DYNC1I2: variants seen among roughly 807,000 people sequenced by gnomAD.
The protein encoded by DYNC1I2 is dynein cytoplasmic 1 intermediate chain 2.
DYNC1I2 carries 53 observed loss-of-function variants against 88.6 expected under a neutral mutation model. The observed-to-expected ratio is 0.60, with a 90% CI of 0.48 to 0.75. The LOEUF is 0.75. Among genes scored for constraint, DYNC1I2 ranks in the 30% least tolerant of loss-of-function variants. DYNC1I2 has a pLI of 0.00. For missense variants in DYNC1I2, 458 were observed against 766.6 expected (o/e 0.60, Z 4.75); for synonymous variants, 198 against 254.6 (o/e 0.78, Z 2.12).
rs558271066 is a variant in DYNC1I2 at position 171,717,939 on chromosome 2, C to T, written c.511+2496C>T. ...ATGCCTATTATATCTATAGTTATAT[C>T]CAGTTTAAGTGAAGACTTTCTTTTT... On this transcript the variant is annotated intron_variant, in intron 7 of 17. Transcript: ENST00000397119. Among the ~76,000 whole-genome samples, 4 of 151,610 alleles carry T rather than the reference C, an allele frequency of 2.6e-5. No individual in the cohort carries two copies. The East Asian group carries it at 7.7e-4, about 29-fold the overall frequency.
Position 171,726,924 on chromosome 2 carries a change from G to A in DYNC1I2, c.996+8G>A. The A allele has an allele frequency of 1.2e-6, 2 of 1,600,196 alleles. No individual in the cohort carries two copies. Among genetic ancestry groups the A allele is most frequent in the Non-Finnish European group, 1.7e-6 (2 of 1,174,102 alleles). On this transcript the variant is annotated splice_region_variant and intron_variant, in intron 11 of 17. Coordinates refer to ENST00000397119, the MANE Select transcript of DYNC1I2 (RefSeq NM_001378.3). Reference sequence around the variant, plus strand: ...TATGTGTTTCACTGCCAGGTATGGTGGTCTTTTAACAGTCTTCGCCTCAAG... The same window carrying A: ...TATGTGTTTCACTGCCAGGTATGGTAGTCTTTTAACAGTCTTCGCCTCAAG...
intron 6 of DYNC1I2, 46 bp downstream of exon 6, chr2:171,712,872 T>C: frequency 6.6e-7 from 1 of 1,515,500 alleles, no homozygotes. Flanking sequence ...ATGAATTTGA[T>C]TCTTTGTGAA....
At chr2:171,724,292 C>G (rs956601139) in intron 7 of DYNC1I2, among the ~76,000 whole-genome samples, 1 of 152,162 alleles carries the variant, frequency 6.6e-6, no homozygotes, top group Non-Finnish European at 1.5e-5. Context: ...CTCTCTAAAC[C>G]TAACAGTATG....
intron 3 of DYNC1I2, among the ~76,000 whole-genome samples, chr2:171,696,973 C>CTA (rs1022318209): frequency 6.6e-5 from 10 of 151,766 alleles, no homozygotes; most frequent in African/African-American, 2.2e-4. Flanking sequence ...CATTGCATTG[C>CTA]TATATGTTTT....
At chr2:171,688,783 T>A (rs1685166318) in intron 1 of DYNC1I2, 1 of 152,230 alleles carries the variant, frequency 6.6e-6, no homozygotes, top group South Asian at 2.1e-4. Context: ...TTGACTGACT[T>A]ACCTTTGTTC....
intron 5 of DYNC1I2, among the ~76,000 whole-genome samples, chr2:171,711,942 A>G (rs563670749): frequency 1.3e-5 from 2 of 152,330 alleles, no homozygotes; most frequent in South Asian, 4.1e-4. Context: ...TTGCTAACCT[A>G]TATAAATGCC....
chr2:171,731,571 A>G (rs1358127669), intron 15 of DYNC1I2, among the ~76,000 whole-genome samples: 1 of 152,194 alleles, frequency 6.6e-6, no homozygotes, highest in Non-Finnish European at 1.5e-5. Context: ...TGGGTAACAC[A>G]AGGAGACCCC....
chr2:171,688,044 C>T (rs1685097033), intron 1 of DYNC1I2: 3 of 152,430 alleles, frequency 2.0e-5, no homozygotes, highest in East Asian at 1.9e-4. Context: ...GAGTCCACTC[C>T]TTTCCCTTCT....
At chr2:171,715,566 A>C (rs1687431839) in intron 7 of DYNC1I2, 123 bp downstream of exon 7, 2 of 633,110 alleles carry the variant, frequency 3.2e-6, no homozygotes, top group East Asian at 5.5e-5. Flanking sequence ...ATGTTTTCTT[A>C]GGGAAACATG....
intron 5 of DYNC1I2, among the ~76,000 whole-genome samples, chr2:171,708,603 C>T (rs910955883): frequency 6.6e-6 from 1 of 152,120 alleles, no homozygotes; most frequent in Non-Finnish European, 1.5e-5. Flanking sequence ...AGAATAAAGA[C>T]AATTTGTCTA....
rs150974413 is a variant in DYNC1I2 at position 171,721,374 on chromosome 2, T to C, written c.512-4244T>C. On this transcript the variant is annotated intron_variant, in intron 7 of 17. Transcript: ENST00000397119. The stretch of plus-strand genomic sequence containing the variant: ...AAGGGAATGGATTCCATTGATAGAT[T>C]CATGAAACTTTGTCCCAATGAAGAT... Among the ~76,000 whole-genome samples, 29 of 152,230 alleles carry C rather than the reference T, an allele frequency of 1.9e-4. 1 individual carries two copies. The East Asian group carries it at 5.4e-3, about 28-fold the overall frequency.
At chr2:171,700,468 T>C (rs918505790) in intron 3 of DYNC1I2, among the ~76,000 whole-genome samples, 1 of 152,078 alleles carries the variant, frequency 6.6e-6, no homozygotes, top group Non-Finnish European at 1.5e-5. Flanking sequence ...GATTTCAACA[T>C]TTAAAAAAAT....
intron 7 of DYNC1I2, among the ~76,000 whole-genome samples, chr2:171,718,102 G>A (rs2674484): frequency 0.29 from 43,736 of 151,036 alleles, 6,612 homozygotes; most frequent in African/African-American, 0.38. Flanking sequence ...GACTACAGGC[G>A]TGCGCCACCA....
Position 171,715,338 on chromosome 2 carries a change from A to C in DYNC1I2, c.406A>C (p.Ile136Leu). ...ATTTACTTAATTTAGACGAGGACCT[A>C]TTAAACTTGGAATGGCTAAAATCAC... ...HSDSDLGRGP[I>L]KLGMAKITQV... Residue 136 changes from isoleucine (I) to leucine (L), a missense_variant, in exon 7 of 18, where the codon ATT becomes CTT. Physicochemically the swap from Ile to Leu is conservative, Grantham distance 5. Coordinates refer to ENST00000397119, the MANE Select transcript of DYNC1I2 (RefSeq NM_001378.3). 1.3e-6 allele frequency: 2 copies of C among 1,556,710 alleles called. No homozygotes were observed. The highest frequency in any genetic ancestry group is 2.4e-5 in the South Asian group (2 of 84,474).
At position 171,729,091 on chromosome 2, in the gene DYNC1I2, T is replaced by TAGTG. The variant is rs1235546365; in HGVS notation, c.1391+243_1391+246dup. The stretch of plus-strand genomic sequence containing the variant: ...TGTGTGTGCATGTACTCACGTAAGT[T>TAGTG]AGTGATAGGCAGGAACATTCAGTAG... On this transcript the variant is annotated intron_variant, in intron 14 of 17. Transcript: ENST00000397119. Among the ~76,000 whole-genome samples, 9 of 152,154 alleles carry TAGTG rather than the reference T, an allele frequency of 5.9e-5. No individual in the cohort carries two copies. The South Asian group carries it at 6.2e-4, about 11-fold the overall frequency.
intron 7 of DYNC1I2, among the ~76,000 whole-genome samples, chr2:171,724,974 T>C: frequency 6.6e-6 from 1 of 152,238 alleles, no homozygotes; most frequent in Non-Finnish European, 1.5e-5. Context: ...TTTTAAGTGC[T>C]TATTGCCACA....
chr2:171,728,243 C>G, intron 12 of DYNC1I2, 62 bp from the exon 13 acceptor site: 3 of 997,334 alleles, frequency 3.0e-6, no homozygotes, highest in Non-Finnish European at 4.3e-6. Flanking sequence ...TATAATTAGA[C>G]TAAAAATTTT....
Position 171,744,115 on chromosome 2 carries a change from A to C in DYNC1I2, c.1603A>C (p.Thr535Pro). ...DYVYDVMWSP[T>P]HPALFACVDG... ...TGTTTATGATGTTATGTGGTCACCT[A>C]CCCACCCAGCCCTGTTTGCCTGTGT... The change falls in exon 16 of 18, where the codon ACC becomes CCC. Residue 535 changes from threonine (T) to proline (P), a missense_variant. Around this residue, in one of 5 missense-constraint regions of DYNC1I2, gnomAD observed 188 missense variants for 300.4 expected, o/e 0.63. Transcript: ENST00000397119. 6.2e-7 allele frequency: 1 copy of C among 1,613,454 alleles called. No homozygotes were observed. The highest frequency in any genetic ancestry group is 8.5e-7 in the Non-Finnish European group (1 of 1,179,664).
chr2:171,711,487 A>G (rs1687124581), intron 5 of DYNC1I2, among the ~76,000 whole-genome samples: 1 of 152,204 alleles, frequency 6.6e-6, no homozygotes, highest in Non-Finnish European at 1.5e-5. Flanking sequence ...TCAACAAGGA[A>G]TTTTATGTCA....
Sources: gnomAD v4.1 joint callset for allele counts (sites outside exome capture counted in the v4.1 genomes callset) on GRCh38, gnomAD v4.1.1 for gene constraint, gnomAD v4.1.1 regional missense constraint, MANE v1.5 for transcripts, NCBI Gene and HGNC (gene_info 2026-07-23, HGNC 2026-07-21) for gene names.